SLC12A6: variants seen among roughly 807,000 people sequenced by gnomAD.
The protein encoded by SLC12A6 is solute carrier family 12 member 6, also known as K-Cl cotransporter 3.
In SLC12A6, 66 loss-of-function variants were observed where a neutral mutation model predicts 135.3. That is an observed-to-expected ratio of 0.49 (90% CI 0.40 to 0.60). SLC12A6 has a LOEUF of 0.60. SLC12A6 is among the 20% of genes least tolerant of loss of function. The pLI, the probability that SLC12A6 is intolerant of heterozygous loss-of-function variation, is 0.00. For synonymous variants in SLC12A6, 513 were observed against 508.8 expected, an observed-to-expected ratio of 1.01 and a Z score of -0.11; for missense variants, 1,058 against 1,452.3, an observed-to-expected ratio of 0.73 and a Z score of 4.41.
intron 13 of SLC12A6, among the ~76,000 whole-genome samples, 157 bp from the exon 14 acceptor site, chr15:34,246,024 C>A (rs981488442): frequency 6.6e-6 from 1 of 152,132 alleles, no homozygotes; most frequent in African/African-American, 2.4e-5. Flanking sequence ...ACTCCGCCCC[C>A]CAAGTTCAAG....
intron 2 of SLC12A6, among the ~76,000 whole-genome samples, chr15:34,330,035 A>G (rs1437190477): frequency 6.6e-6 from 1 of 152,236 alleles, no homozygotes; most frequent in African/African-American, 2.4e-5. Context: ...TGTCATAAAC[A>G]TCTATAAGAA....
At chr15:34,310,893 T>C (rs1888206742) in intron 2 of SLC12A6, among the ~76,000 whole-genome samples, 1 of 151,760 alleles carries the variant, frequency 6.6e-6, no homozygotes, top group Admixed American at 6.6e-5. Flanking sequence ...GTGCTGGCAT[T>C]ACAGGTATGA....
intron 2 of SLC12A6, among the ~76,000 whole-genome samples, chr15:34,287,187 G>GTGTT (rs1268638914): frequency 6.6e-6 from 1 of 152,102 alleles, no homozygotes; most frequent in Non-Finnish European, 1.5e-5. Flanking sequence ...CTGTGTCCAT[G>GTGTT]TGTTCTCATT....
chr15:34,280,451 G>A (rs528942180), intron 2 of SLC12A6, among the ~76,000 whole-genome samples: 3 of 152,104 alleles, frequency 2.0e-5, no homozygotes, highest in East Asian at 1.9e-4. Flanking sequence ...GTCTTAACAC[G>A]TAAGGCATTT....
intron 2 of SLC12A6, among the ~76,000 whole-genome samples, chr15:34,334,627 C>G (rs866035093): frequency 1.1e-4 from 16 of 152,190 alleles, no homozygotes; most frequent in South Asian, 1.0e-3. Flanking sequence ...GAGAATAGGG[C>G]AAAGTCCTCT....
intron 13 of SLC12A6, among the ~76,000 whole-genome samples, chr15:34,248,955 T>C (rs1219521082): frequency 6.6e-6 from 1 of 152,072 alleles, no homozygotes; most frequent in East Asian, 1.9e-4. Flanking sequence ...ATAAGACATA[T>C]TAAACTCTAA....
intron 2 of SLC12A6, among the ~76,000 whole-genome samples, chr15:34,304,928 T>C (rs1896499914): frequency 6.6e-6 from 1 of 152,240 alleles, no homozygotes; most frequent in Non-Finnish European, 1.5e-5. Context: ...CCTTCTTGAA[T>C]TTTCTCAGAG....
rs1218581940 is a variant in SLC12A6, at chr15:34,237,700, A to G, written c.2803-150T>C. On this transcript the variant is annotated intron_variant, in intron 21 of 25. Transcript: ENST00000354181. ...AGCTTCCTACTTGCTATGTTATTGTATTAGGGCAAAAGATTGACTAAACAC... is the reference window on the plus strand; with the variant it reads ...AGCTTCCTACTTGCTATGTTATTGTGTTAGGGCAAAAGATTGACTAAACAC... 3 of 656,912 alleles carry G rather than the reference A, an allele frequency of 4.6e-6. No homozygotes were observed. The Admixed American group carries it at 6.5e-5, about 14-fold the overall frequency. 40.7% of individuals were successfully genotyped at this position (656,912 alleles called of 1,614,324 possible). A position where few individuals can be genotyped will look rare whatever the true frequency, so the allele number is the denominator to read the frequency against.
At chr15:34,289,260 T>C (rs1444717361) in intron 2 of SLC12A6, among the ~76,000 whole-genome samples, 1 of 152,196 alleles carries the variant, frequency 6.6e-6, no homozygotes, top group African/African-American at 2.4e-5. Flanking sequence ...TTTTTGTCAT[T>C]GGTTCTGTTT....
At chr15:34,330,912 C>T (rs1433629649) in intron 2 of SLC12A6, among the ~76,000 whole-genome samples, 5 of 151,978 alleles carry the variant, frequency 3.3e-5, no homozygotes, top group African/African-American at 9.7e-5. Context: ...TGTAGTGGCA[C>T]GTGCCTGTAG....
At chr15:34,336,828 A>G in intron 1 of SLC12A6, 76 bp from the exon 2 acceptor site, 1 of 699,260 alleles carries the variant, frequency 1.4e-6, no homozygotes, top group Non-Finnish European at 2.5e-6. Flanking sequence ...AGCCCCAACT[A>G]AGAATACTTC....
At chr15:34,275,234 A>C in intron 3 of SLC12A6, 111 bp downstream of exon 3, 1 of 640,332 alleles carries the variant, frequency 1.6e-6, no homozygotes, top group Non-Finnish European at 2.9e-6. Context: ...TTGGGTGGGA[A>C]GTAGAAAAGG....
chr15:34,287,196 T>C (rs1269556642), intron 2 of SLC12A6, among the ~76,000 whole-genome samples: 6 of 152,200 alleles, frequency 3.9e-5, no homozygotes, highest in Non-Finnish European at 8.8e-5. Context: ...TGTGTTCTCA[T>C]TGTTCAACTC....
chr15:34,308,573 C>T (rs1231182144), intron 2 of SLC12A6, among the ~76,000 whole-genome samples: 1 of 144,278 alleles, frequency 6.9e-6, no homozygotes, highest in Non-Finnish European at 1.5e-5. Context: ...TGCAGTGAGC[C>T]GAGACCACTC....
At chr15:34,302,969 A>G (rs111542169) in intron 2 of SLC12A6, among the ~76,000 whole-genome samples, 5 of 151,310 alleles carry the variant, frequency 3.3e-5, no homozygotes, top group Non-Finnish European at 5.9e-5. Context: ...AAAAAAAAAA[A>G]AAAAAAAAAA....
In SLC12A6 at chr15:34,254,457, C is replaced by T. The variant is rs749270185; in HGVS notation, c.1009G>A (p.Val337Ile). Residue 337 changes from valine (V) to isoleucine (I), a missense_variant, in exon 9 of 26, where the codon GTA becomes ATA. Physicochemically the swap from Val to Ile is conservative, Grantham distance 29. This residue lies in a region of SLC12A6 where 297 missense variants were observed against 318.5 expected (regional missense o/e 0.93). Coordinates refer to ENST00000354181, the MANE Select transcript of SLC12A6 (RefSeq NM_001365088.1). ...GAGGCAAACTTGTTCACATAGCGTA[C>T]GCCGATAAATACCACTAATACCATA... Reference protein sequence around the residue: ...VLMVLVVFIGVRYVNKFASLF... With the variant: ...VLMVLVVFIGIRYVNKFASLF... 8.7e-6 allele frequency: 14 copies of T among 1,613,824 alleles called. No individual in the cohort carries two copies. Among genetic ancestry groups the T allele is most frequent in the South Asian group, 2.2e-5 (2 of 91,082 alleles).
chr15:34,309,520 A>G (rs1245996344), intron 2 of SLC12A6, among the ~76,000 whole-genome samples: 2 of 152,154 alleles, frequency 1.3e-5, no homozygotes, highest in Admixed American at 1.3e-4. Flanking sequence ...AAAATTTTGG[A>G]AGTGAGAGAT....
chr15:34,242,787 T>G (rs1160086335), intron 16 of SLC12A6, among the ~76,000 whole-genome samples: 1 of 152,074 alleles, frequency 6.6e-6, no homozygotes, highest in Non-Finnish European at 1.5e-5. Context: ...TCCCAGCACT[T>G]TGGGAGGCTG....
intron 2 of SLC12A6, among the ~76,000 whole-genome samples, chr15:34,322,389 A>G (rs1382658746): frequency 1.3e-5 from 2 of 152,060 alleles, no homozygotes; most frequent in Non-Finnish European, 2.9e-5. Context: ...AAAAAAAACA[A>G]AAACAAAAAC....
Sources: gnomAD v4.1 joint callset for allele counts (sites outside exome capture counted in the v4.1 genomes callset) on GRCh38, gnomAD v4.1.1 for gene constraint, gnomAD v4.1.1 regional missense constraint, MANE v1.5 for transcripts, NCBI Gene and HGNC (gene_info 2026-07-23, HGNC 2026-07-21) for gene names.